MTBP: variants seen among roughly 807,000 people sequenced by gnomAD.
MTBP encodes mdm2-binding protein.
Under a neutral mutation model 117.0 loss-of-function variants are expected in MTBP, and 101 were observed. That is an observed-to-expected ratio of 0.86 (90% CI 0.73 to 1.02). MTBP has a LOEUF of 1.02. MTBP is among the 50% of genes least tolerant of loss of function. The pLI is 0.00. For synonymous variants in MTBP, 350 were observed against 351.5 expected (o/e 1.00, Z 0.05); for missense variants, 970 against 1,030.9 (o/e 0.94, Z 0.81).
intron 8 of MTBP, among the ~76,000 whole-genome samples, chr8:120,460,295 G>A (rs1813556331): frequency 6.6e-6 from 1 of 152,026 alleles, no homozygotes; most frequent in Non-Finnish European, 1.5e-5. Flanking sequence ...CCAAATTTTT[G>A]CTACTGTTGA....
At chr8:120,510,494 AATAG>A (rs1814778737) in intron 17 of MTBP, among the ~76,000 whole-genome samples, 1 of 152,214 alleles carries the variant, frequency 6.6e-6, no homozygotes, top group African/African-American at 2.4e-5. Context: ...TCAATAGGAA[AATAG>A]ATAAACTATG....
intron 20 of MTBP, among the ~76,000 whole-genome samples, chr8:120,519,287 A>G (rs924091805): frequency 1.3e-5 from 2 of 151,864 alleles, no homozygotes; most frequent in African/African-American, 2.4e-5. Flanking sequence ...ACACCATTTT[A>G]TATAAGGGAC....
At chr8:120,502,384 G>T in intron 14 of MTBP, 108 bp from the exon 15 acceptor site, 1 of 600,132 alleles carries the variant, frequency 1.7e-6, no homozygotes. Context: ...TGCCTTTATA[G>T]ACACACATAC....
At chr8:120,451,626 AG>A (rs1468477312) in intron 4 of MTBP, 1 of 281,250 alleles carries the variant, frequency 3.6e-6, no homozygotes, top group Non-Finnish European at 6.8e-6. Flanking sequence ...TGTGTCACCC[AG>A]GCTGCAGTGC....
intron 2 of MTBP, among the ~76,000 whole-genome samples, chr8:120,447,065 T>C (rs1189720195): frequency 6.6e-6 from 1 of 152,204 alleles, no homozygotes; most frequent in Non-Finnish European, 1.5e-5. Context: ...TACAAATGCA[T>C]TTACTGACTT....
chr8:120,456,477 C>A, intron 6 of MTBP, 76 bp from the exon 7 acceptor site: 1 of 940,142 alleles, frequency 1.1e-6, no homozygotes, highest in South Asian at 1.6e-5. Context: ...GCCTCTTAGG[C>A]TTGTAGTTAA....
intron 2 of MTBP, among the ~76,000 whole-genome samples, chr8:120,449,785 A>G (rs563966252): frequency 2.0e-5 from 3 of 152,316 alleles, no homozygotes; most frequent in African/African-American, 7.2e-5. Flanking sequence ...TTCTTCTCTT[A>G]TGCTGAGAGG....
intron 6 of MTBP, among the ~76,000 whole-genome samples, 156 bp from the exon 7 acceptor site, chr8:120,456,397 A>G (rs1384927591): frequency 6.6e-6 from 1 of 152,204 alleles, no homozygotes; most frequent in Non-Finnish European, 1.5e-5. Context: ...TCAGCAATGC[A>G]CTTAGAGACT....
At chr8:120,501,679 G>C (rs1392070003) in intron 14 of MTBP, among the ~76,000 whole-genome samples, 1 of 152,032 alleles carries the variant, frequency 6.6e-6, no homozygotes, top group Non-Finnish European at 1.5e-5. Context: ...AATTTTCAAT[G>C]AGTTTATTAG....
intron 2 of MTBP, among the ~76,000 whole-genome samples, chr8:120,447,137 G>A (rs914066415): frequency 1.2e-4 from 18 of 151,918 alleles, no homozygotes; most frequent in Non-Finnish European, 8.8e-5. Flanking sequence ...TCCTTTAAAC[G>A]TTCTGAAAAT....
intron 8 of MTBP, among the ~76,000 whole-genome samples, chr8:120,460,108 G>A (rs1202377281): frequency 6.6e-6 from 1 of 151,640 alleles, no homozygotes; most frequent in East Asian, 1.9e-4. Flanking sequence ...TCTAATCAAA[G>A]GGTGGTACAA....
At chr8:120,511,660 A>G (rs928824440) in intron 17 of MTBP, among the ~76,000 whole-genome samples, 1 of 152,192 alleles carries the variant, frequency 6.6e-6, no homozygotes, top group Non-Finnish European at 1.5e-5. Context: ...GTTCTACTAT[A>G]TAAACATTTG....
rs1329423846 is a variant in MTBP at position 120,456,658 on chromosome 8, A to G, written c.735A>G (p.Ile245Met). The G allele has an allele frequency of 2.6e-6, 4 of 1,558,888 alleles. No homozygotes were observed. The highest frequency in any genetic ancestry group is 1.8e-5 in the Admixed American group (1 of 57,016). Residue 245 changes from isoleucine to methionine, a missense_variant, in exon 7 of 22, where the codon ATA (isoleucine) becomes ATG (methionine). Ile to Met is a conservative substitution (Grantham distance 10, BLOSUM62 1). Coordinates refer to ENST00000305949, the MANE Select transcript of MTBP (RefSeq NM_022045.5). ...SKELWRGKIQ[I>M]WERKFGFEIS... ...AATTATGGAGGGGGAAAATACAGAT[A>G]TGGGAAAGAAAGGTAAATGGATTAT...
At chr8:120,491,094 T>G (rs1814336776) in intron 13 of MTBP, among the ~76,000 whole-genome samples, 1 of 152,218 alleles carries the variant, frequency 6.6e-6, no homozygotes, top group South Asian at 2.1e-4. Flanking sequence ...TTTCACATTT[T>G]TTCTCTTTTA....
Position 120,522,918 on chromosome 8 carries a change from A to G in MTBP, c.2676+199A>G, listed in dbSNP as rs936162598. On this transcript the variant is annotated intron_variant, in intron 21 of 21. Transcript: ENST00000305949. The stretch of plus-strand genomic sequence containing the variant: ...TATTTAGTAGATTGCTCTGTCAGCA[A>G]AAGAGTTTCTAAAGTGACACTAAGA... Among the ~76,000 whole-genome samples, 6 of 152,164 alleles carry G rather than the reference A, an allele frequency of 3.9e-5. No homozygotes were observed. The South Asian group carries it at 1.2e-3, about 31-fold the overall frequency.
At chr8:120,475,742 T>C (rs543304136) in intron 11 of MTBP, among the ~76,000 whole-genome samples, 136 of 152,114 alleles carry the variant, frequency 8.9e-4, no homozygotes, top group African/African-American at 3.2e-3. Flanking sequence ...GTCAACCTTA[T>C]TACATTTCAA....
In MTBP at chr8:120,504,088, A is replaced by G. The variant is rs150826657; in HGVS notation, c.1727+1479A>G. Among the ~76,000 whole-genome samples the G allele has an allele frequency of 4.0e-3, 613 of 152,278 alleles. 4 individuals are homozygous for G. The highest frequency in any genetic ancestry group is 0.014 in the African/African-American group (586 of 41,566). The stretch of plus-strand genomic sequence containing the variant: ...GGAGTTATCATCAGTAGGGATTTCC[A>G]AATACATGATGGTTGATGAGTTACA... On this transcript the variant is annotated intron_variant, in intron 15 of 21. Transcript: ENST00000305949.
intron 17 of MTBP, among the ~76,000 whole-genome samples, chr8:120,510,296 A>T (rs1273070369): frequency 6.6e-6 from 1 of 152,184 alleles, no homozygotes; most frequent in Non-Finnish European, 1.5e-5. Context: ...TATGTTATAA[A>T]TGTATATTCA....
At chr8:120,478,734 G>A (rs546888260) in intron 11 of MTBP, among the ~76,000 whole-genome samples, 2 of 152,272 alleles carry the variant, frequency 1.3e-5, no homozygotes, top group East Asian at 3.9e-4. Flanking sequence ...AAATCACCAT[G>A]GTGAAAGTAT....
Sources: allele counts gnomAD v4.1 joint callset (sites outside exome capture counted in the v4.1 genomes callset), GRCh38; gene constraint gnomAD v4.1.1; transcripts MANE v1.5; gene names NCBI Gene and HGNC (gene_info 2026-07-23, HGNC 2026-07-21).